Variants in NBPF11 observed in about 807,000 individuals in gnomAD.
NBPF11 encodes the protein NBPF family member NBPF11.
Under a neutral mutation model 93.9 loss-of-function variants are expected in NBPF11, and 72 were observed. The observed-to-expected ratio is 0.77, with a 90% CI of 0.63 to 0.93. The LOEUF (loss-of-function observed/expected upper bound fraction) is 0.93, where lower values mean the gene tolerates loss of function less well. NBPF11 is among the 40% of genes least tolerant of loss of function. The probability of loss-of-function intolerance (pLI) is 0.00; values close to 1 mark genes in which losing one functional copy is unlikely to be tolerated. For missense variants in NBPF11, 705 were observed against 802.2 expected (o/e 0.88, Z 1.46); for synonymous variants, 224 against 304.9 (o/e 0.73, Z 2.76).
intron 1 of NBPF11, chr1:148,146,653 G>A (rs1673153130): frequency 8.1e-6 from 13 of 1,611,650 alleles, no homozygotes; most frequent in Non-Finnish European, 1.1e-5. Flanking sequence ...GGACACCATC[G>A]AGGTCTTCCC....
chr1:148,111,449 C>A (rs1401229382), intron 15 of NBPF11, among the ~76,000 whole-genome samples: 1 of 151,968 alleles, frequency 6.6e-6, no homozygotes, highest in African/African-American at 2.4e-5. Context: ...TAATAACAAA[C>A]TTCTCTGAGC....
intron 10 of NBPF11, among the ~76,000 whole-genome samples, chr1:148,120,296 C>A (rs1667527021): frequency 1.3e-5 from 2 of 151,972 alleles, no homozygotes; most frequent in South Asian, 2.1e-4. Flanking sequence ...TAGTCCCACC[C>A]CCACCTGATT....
At chr1:148,113,257 A>G (rs1665737316) in intron 15 of NBPF11, among the ~76,000 whole-genome samples, 1 of 151,996 alleles carries the variant, frequency 6.6e-6, no homozygotes, top group South Asian at 2.1e-4. Flanking sequence ...TAGGCTCAAA[A>G]TAAAGGGATG....
intron 10 of NBPF11, among the ~76,000 whole-genome samples, chr1:148,119,779 C>T (rs1667407583): frequency 6.6e-6 from 1 of 151,966 alleles, no homozygotes; most frequent in South Asian, 2.1e-4. Context: ...CCTCAGCCTC[C>T]TGAGCAGGGG....
chr1:148,132,224 C>T (rs1443656435), intron 4 of NBPF11, among the ~76,000 whole-genome samples: 2 of 144,940 alleles, frequency 1.4e-5, no homozygotes, highest in African/African-American at 2.6e-5. Context: ...TACACACACA[C>T]ACACACACAC....
chr1:148,120,839 TC>T lies in NBPF11; in HGVS notation c.779-130del, dbSNP rs1667652895. On this transcript the variant is annotated intron_variant, in intron 9 of 23. Transcript: ENST00000682118. The stretch of plus-strand genomic sequence containing the variant: ...GAAGATGTTGTTTCCCTGGTTTCAC[TC>T]TTGTCATCTCCAGTCTTGATCTCCT... The T allele has an allele frequency of 7.8e-5, 60 of 773,314 alleles. No individual in the cohort carries two copies. In the South Asian group the frequency reaches 8.0e-4, roughly 10 times the overall value. 47.9% of individuals were successfully genotyped at this position (773,314 alleles called of 1,614,324 possible).
intron 5 of NBPF11, 132 bp from the exon 6 acceptor site, chr1:148,125,133 C>G (rs1192655912): frequency 1.3e-6 from 1 of 791,932 alleles, no homozygotes. Flanking sequence ...ACAGGGATTT[C>G]CACATCTTTA....
intron 1 of NBPF11, chr1:148,146,650 A>G: frequency 6.2e-6 from 10 of 1,611,556 alleles, no homozygotes; most frequent in Non-Finnish European, 8.5e-6. Context: ...GCTGGACACC[A>G]TCGAGGTCTT....
intron 7 of NBPF11, among the ~76,000 whole-genome samples, chr1:148,123,435 CTTTGCAG>C (rs1668366957): frequency 6.6e-6 from 1 of 152,216 alleles, no homozygotes; most frequent in African/African-American, 2.4e-5. Context: ...ATTTGTCTGC[CTTTGCAG>C]ATGGAGAGAG....
intron 1 of NBPF11, among the ~76,000 whole-genome samples, chr1:148,144,608 T>A (rs1374728230): frequency 6.6e-6 from 1 of 151,978 alleles, no homozygotes; most frequent in East Asian, 1.9e-4. Context: ...CAATAATGAA[T>A]ACTATATTTA....
chr1:148,105,036 TA>T (rs1307478453), intron 22 of NBPF11, among the ~76,000 whole-genome samples: 3 of 123,222 alleles, frequency 2.4e-5, no homozygotes, highest in African/African-American at 1.1e-4. Flanking sequence ...ACACTGAAAT[TA>T]GAGTGAAAAA....
chr1:148,146,713 G>A (rs1207262146), intron 1 of NBPF11: 8 of 1,612,018 alleles, frequency 5.0e-6, no homozygotes, highest in East Asian at 4.5e-5. Context: ...TGTTCGCTGC[G>A]TGCCTGGTGC....
In NBPF11 at chr1:148,142,444, G is replaced by A. The variant is rs1672346779; in HGVS notation, c.-277+971C>T. On this transcript the variant is annotated intron_variant, in intron 2 of 23. Transcript: ENST00000682118. ...GAATGAGATGAGACAGTGGATCCCA[G>A]AACACCAGGCCGCAACCTTCCCTGC... Among the ~76,000 whole-genome samples the A allele has an allele frequency of 5.3e-5, 8 of 151,398 alleles. 2 individuals carry two copies. The South Asian group carries it at 1.7e-3, about 32-fold the overall frequency.
At chr1:148,132,193 C>G (rs1479481939) in intron 4 of NBPF11, among the ~76,000 whole-genome samples, 13 of 143,372 alleles carry the variant, frequency 9.1e-5, no homozygotes, top group Admixed American at 6.9e-5. Context: ...ATCTTCAAAA[C>G]GGTGAATATA....
At chr1:148,129,403 G>C (rs1320278484) in intron 4 of NBPF11, 2 of 151,034 alleles carry the variant, frequency 1.3e-5, no homozygotes, top group African/African-American at 4.9e-5. Flanking sequence ...CCTGCATCGA[G>C]CTCTCCGCCT....
chr1:148,122,726 T>A lies in NBPF11; in HGVS notation c.566+3A>T, dbSNP rs75941258. The A allele has an allele frequency of 1.9e-6, 3 of 1,609,548 alleles. 1 individual carries two copies. The African/African-American group carries it at 4.0e-5, about 22-fold the overall frequency. On this transcript the variant is annotated splice_donor_region_variant and intron_variant, in intron 8 of 23. Coordinates refer to ENST00000682118, the MANE Select transcript of NBPF11 (RefSeq NM_001385469.3). ...TTACTTGCTCCTGAGTATTCAATGT[T>A]ACCTGGGGGCAGATGATTCCAGTAC...
chr1:148,122,728 C>A lies in NBPF11; in HGVS notation c.566+1G>T. ...ACTTGCTCCTGAGTATTCAATGTTA[C>A]CTGGGGGCAGATGATTCCAGTACTT... On this transcript the variant is annotated splice_donor_variant, in intron 8 of 23. Transcript: ENST00000682118. LOFTEE classifies it high-confidence loss of function. 1 of 1,609,742 alleles carries A rather than the reference C, an allele frequency of 6.2e-7. No individual in the cohort carries two copies. The highest frequency in any genetic ancestry group is 2.2e-5 in the East Asian group (1 of 44,884).
rs1175882473 is a variant in NBPF11, at chr1:148,142,866, G to A, written c.-277+549C>T. On this transcript the variant is annotated intron_variant, in intron 2 of 23. Coordinates refer to ENST00000682118, the MANE Select transcript of NBPF11 (RefSeq NM_001385469.3). ...GGATTCTGGAATGGGAGATGGGATC[G>A]GCCTTCAAAAGTGGTCTCTCTTTTA... Among the ~76,000 whole-genome samples, 68 of 152,182 alleles carry A rather than the reference G, an allele frequency of 4.5e-4. No homozygotes were observed. The East Asian group carries it at 5.3e-3, about 12-fold the overall frequency.
At chr1:148,120,411 A>G in intron 10 of NBPF11, 90 bp downstream of exon 10, 7 of 777,184 alleles carry the variant, frequency 9.0e-6, no homozygotes, top group South Asian at 2.7e-5. Context: ...GGAGGATGAC[A>G]TTATTTTTGA....
Sources: gnomAD v4.1 joint callset for allele counts (sites outside exome capture counted in the v4.1 genomes callset) on GRCh38, gnomAD v4.1.1 for gene constraint, MANE v1.5 for transcripts, NCBI Gene and HGNC (gene_info 2026-07-23, HGNC 2026-07-21) for gene names.